The following SARNP variants were observed in gnomAD, a reference collection of about 807,000 sequenced individuals.
The protein encoded by SARNP is SAP domain-containing ribonucleoprotein.
In SARNP, 5 loss-of-function variants were observed where a neutral mutation model predicts 38.1. The observed-to-expected ratio is 0.13, with a 90% confidence interval of 0.07 to 0.28. The LOEUF (loss-of-function observed/expected upper bound fraction) is 0.28, where lower values mean the gene tolerates loss of function less well. Among genes scored for constraint, SARNP ranks in the 10% least tolerant of loss-of-function variants. The probability of loss-of-function intolerance (pLI) is 1.00; values close to 1 mark genes in which losing one functional copy is unlikely to be tolerated. For missense variants in SARNP, 180 were observed against 243.9 expected (o/e 0.74, Z 1.75); for synonymous variants, 84 against 80.6 (o/e 1.04, Z -0.23).
chr12:55,789,008 A>G lies in SARNP; in HGVS notation c.501+67T>C, dbSNP rs1879586361. On this transcript the variant is annotated intron_variant, in intron 9 of 10. Transcript: ENST00000336133. ...CTACATTCTCAGGAGGGTCATTTCC[A>G]GCCTATGTAGTTCCCATAAGCTGCT... 7 of 1,033,562 alleles carry G rather than the reference A, an allele frequency of 6.8e-6. No individual in the cohort carries two copies. The South Asian group carries it at 9.7e-5, about 14-fold the overall frequency. The allele number at this position is 1,033,562 out of a possible 1,614,324, so 64.0% of individuals were successfully genotyped here. A position where few individuals can be genotyped will look rare whatever the true frequency, so the allele number is the denominator to read the frequency against.
chr12:55,795,581 A>G lies in SARNP; in HGVS notation c.303+444T>C, dbSNP rs188176087. On this transcript the variant is annotated intron_variant, in intron 5 of 10. Coordinates refer to ENST00000336133, the MANE Select transcript of SARNP (RefSeq NM_033082.4). ...CAGCATTGTTTTATGCCATTCTAAA[A>G]GAGTTTAATAATTCTCTACTTTGCA... Among the ~76,000 whole-genome samples the G allele has an allele frequency of 1.1e-4, 16 of 152,312 alleles. 1 individual carries two copies. The East Asian group carries it at 3.1e-3, about 29-fold the overall frequency.
chr12:55,780,595 G>A (rs1202438902), intron 9 of SARNP, among the ~76,000 whole-genome samples: 3 of 152,068 alleles, frequency 2.0e-5, no homozygotes, highest in Non-Finnish European at 2.9e-5. Context: ...ACTTGAACCC[G>A]GGAAGCAGAG....
rs750949912 is a variant in SARNP, at chr12:55,778,513, A to G, written c.501+10562T>C. ...TTGTTCCATTGGGAGGGTGGAGAAA[A>G]GTAGTGTCTTTTTTTTATCTTAAAG... On this transcript the variant is annotated intron_variant, in intron 9 of 10. Transcript: ENST00000336133. Among the ~76,000 whole-genome samples the G allele has an allele frequency of 2.8e-4, 42 of 152,266 alleles. 1 individual carries two copies. Among genetic ancestry groups the G allele is most frequent in the Middle Eastern group, 3.4e-3 (1 of 294 alleles).
At chr12:55,758,830 T>C (rs1878591495) in intron 10 of SARNP, among the ~76,000 whole-genome samples, 1 of 152,006 alleles carries the variant, frequency 6.6e-6, no homozygotes, top group South Asian at 2.1e-4. Context: ...GTAAGCCAAT[T>C]AAGCCTCTTT....
intron 9 of SARNP, among the ~76,000 whole-genome samples, chr12:55,785,788 A>G (rs148997594): frequency 2.0e-5 from 3 of 151,764 alleles, no homozygotes; most frequent in African/African-American, 7.2e-5. Flanking sequence ...ACAAAAAAAA[A>G]AAAAAGACAG....
At chr12:55,801,321 T>A (rs1293303409) in intron 2 of SARNP, among the ~76,000 whole-genome samples, 1 of 152,068 alleles carries the variant, frequency 6.6e-6, no homozygotes, top group Non-Finnish European at 1.5e-5. Context: ...TGTGCGCCTA[T>A]AGTCTTAGCT....
At chr12:55,817,082 A>G (rs1438116006) in intron 1 of SARNP, among the ~76,000 whole-genome samples, 1 of 151,978 alleles carries the variant, frequency 6.6e-6, no homozygotes, top group Non-Finnish European at 1.5e-5. Context: ...TATTCTCAAG[A>G]CCTCCTCAAC....
chr12:55,786,092 A>C (rs1432236011), intron 9 of SARNP, among the ~76,000 whole-genome samples: 2 of 152,230 alleles, frequency 1.3e-5, no homozygotes, highest in Admixed American at 6.5e-5. Context: ...AAAATGAAAA[A>C]AGGTCAAACA....
intron 9 of SARNP, among the ~76,000 whole-genome samples, chr12:55,763,136 G>A (rs1878725127): frequency 6.6e-6 from 1 of 152,008 alleles, no homozygotes; most frequent in Admixed American, 6.6e-5. Context: ...CCTCATTAAT[G>A]TACTCTGAAC....
chr12:55,782,471 A>AAT (rs1253198865), intron 9 of SARNP, among the ~76,000 whole-genome samples: 3 of 152,208 alleles, frequency 2.0e-5, no homozygotes, highest in Admixed American at 1.3e-4. Context: ...CACAGCAGTT[A>AAT]ATACTACAGT....
chr12:55,781,388 G>A (rs879477009), intron 9 of SARNP, among the ~76,000 whole-genome samples: 1 of 151,986 alleles, frequency 6.6e-6, no homozygotes, highest in Non-Finnish European at 1.5e-5. Context: ...ACAAAAATTA[G>A]CCAGGCGTTG....
chr12:55,800,361 T>G (rs1260723036), intron 4 of SARNP, among the ~76,000 whole-genome samples: 1 of 152,120 alleles, frequency 6.6e-6, no homozygotes, highest in Non-Finnish European at 1.5e-5. Context: ...TCATTACCTA[T>G]TACATAACTC....
chr12:55,797,854 C>G (rs1879864544), intron 4 of SARNP, among the ~76,000 whole-genome samples: 1 of 152,230 alleles, frequency 6.6e-6, no homozygotes, highest in African/African-American at 2.4e-5. Flanking sequence ...ATACTTCAGT[C>G]TAACCACAAC....
rs539871746 is a variant in SARNP at position 55,817,598 on chromosome 12, G to A, written c.36+68C>T. 8.9e-6 allele frequency: 13 copies of A among 1,466,122 alleles called. No homozygotes were observed. The South Asian group carries it at 1.1e-4, about 12-fold the overall frequency. 90.8% of individuals were successfully genotyped at this position (1,466,122 alleles called of 1,614,324 possible). A position where few individuals can be genotyped will look rare whatever the true frequency, so the allele number is the denominator to read the frequency against. On this transcript the variant is annotated intron_variant, in intron 1 of 10. Transcript: ENST00000336133. ...CTGCACGGAGAAGACGTAGGAGAAG[G>A]CGCAAGCTACCCTGTAGAATTCAGT...
In SARNP at chr12:55,812,669, C is replaced by CT. The variant is rs1387116934; in HGVS notation, c.36+4996dup. Among the ~76,000 whole-genome samples the CT allele has an allele frequency of 1.4e-4, 21 of 152,356 alleles. 1 individual carries two copies. The highest frequency in any genetic ancestry group is 1.2e-3 in the Admixed American group (19 of 15,306). Reference sequence around the variant, plus strand: ...CTCCCAACCCAGACTAAAGGTATCACTACCCAAACCCTGGAGTCATCTTTC... The same window carrying CT: ...CTCCCAACCCAGACTAAAGGTATCACTTACCCAAACCCTGGAGTCATCTTTC... On this transcript the variant is annotated intron_variant, in intron 1 of 10. Transcript: ENST00000336133.
intron 7 of SARNP, among the ~76,000 whole-genome samples, chr12:55,791,124 T>A (rs1225581864): frequency 6.6e-6 from 1 of 152,128 alleles, no homozygotes; most frequent in African/African-American, 2.4e-5. Flanking sequence ...ACGAATTCAT[T>A]TATATGAAGG....
chr12:55,754,107 C>G (rs112565179), downstream of SARNP: 38 of 152,314 alleles, frequency 2.5e-4, 1 homozygote, highest in African/African-American at 7.0e-4. Flanking sequence ...CACTCGAGAC[C>G]AACTACAAGA....
rs199769721 is a variant in SARNP at position 55,802,577 on chromosome 12, CAAAT to C, written c.136+1048_136+1051del. 6.9e-3 allele frequency among the ~76,000 whole-genome samples: 1,044 copies of C among 151,772 alleles called. 14 individuals are homozygous for C. The highest frequency in any genetic ancestry group is 0.024 in the African/African-American group (984 of 41,414). On this transcript the variant is annotated intron_variant, in intron 2 of 10. Coordinates refer to ENST00000336133, the MANE Select transcript of SARNP (RefSeq NM_033082.4). ...TACTTTCAGATATGTGGATAAGAAA[CAAAT>C]AAATTTTGTGTTTAGGCTTGGATCT...
intron 7 of SARNP, among the ~76,000 whole-genome samples, chr12:55,791,593 G>T (rs1879670958): frequency 6.6e-6 from 1 of 152,130 alleles, no homozygotes; most frequent in African/African-American, 2.4e-5. Context: ...TACTCGGGAG[G>T]CTGAGACAGG....
Sources: allele counts gnomAD v4.1 joint callset (sites outside exome capture counted in the v4.1 genomes callset), GRCh38; gene constraint gnomAD v4.1.1; transcripts MANE v1.5; gene names NCBI Gene and HGNC (gene_info 2026-07-23, HGNC 2026-07-21).